FAM13A: variants seen among roughly 807,000 people sequenced by gnomAD.
The protein encoded by FAM13A is protein FAM13A.
A neutral mutation model predicts 129.6 loss-of-function variants in FAM13A; 76 were observed. The ratio of observed to expected loss-of-function variants is 0.59; its 90% confidence interval spans 0.49 to 0.71. FAM13A has a LOEUF of 0.71. Among genes scored for constraint, FAM13A ranks in the 30% least tolerant of loss-of-function variants. FAM13A has a pLI of 0.00. For synonymous variants in FAM13A, 443 were observed against 449.9 expected (o/e 0.98, Z 0.20); for missense variants, 1,108 against 1,249.3 (o/e 0.89, Z 1.70).
chr4:89,050,656 G>T (rs1028634535), intron 1 of FAM13A, among the ~76,000 whole-genome samples: 1 of 152,018 alleles, frequency 6.6e-6, no homozygotes, highest in African/African-American at 2.4e-5. Flanking sequence ...AGCCAGGTAT[G>T]GTGGCTCACA....
intron 5 of FAM13A, among the ~76,000 whole-genome samples, chr4:88,911,674 CTCCTT>C (rs1393583266): frequency 1.3e-5 from 2 of 152,178 alleles, no homozygotes; most frequent in Admixed American, 1.3e-4. Flanking sequence ...TGGATCTCAT[CTCCTT>C]TCATCTCCCC....
chr4:89,030,429 T>C (rs1004654891), intron 1 of FAM13A, among the ~76,000 whole-genome samples: 1 of 152,098 alleles, frequency 6.6e-6, no homozygotes, highest in African/African-American at 2.4e-5. Context: ...CTTATATAAA[T>C]GTTATTATAT....
At chr4:88,881,065 A>T (rs1021104988) in intron 6 of FAM13A, among the ~76,000 whole-genome samples, 5 of 152,318 alleles carry the variant, frequency 3.3e-5, no homozygotes, top group African/African-American at 1.2e-4. Context: ...GACAATGGAC[A>T]TAATTTCTTG....
intron 1 of FAM13A, among the ~76,000 whole-genome samples, chr4:89,036,114 G>A (rs1207814180): frequency 2.0e-5 from 3 of 152,118 alleles, no homozygotes. Flanking sequence ...AGTTTGGAGG[G>A]CACAGAAGAA....
chr4:88,874,169 C>T (rs2150091602), intron 6 of FAM13A, among the ~76,000 whole-genome samples: 2 of 152,186 alleles, frequency 1.3e-5, no homozygotes, highest in Middle Eastern at 6.8e-3. Flanking sequence ...TATGACAAAC[C>T]CACAGCCAAT....
intron 8 of FAM13A, among the ~76,000 whole-genome samples, chr4:88,792,246 T>C (rs1725335656): frequency 6.6e-6 from 1 of 152,004 alleles, no homozygotes; most frequent in African/African-American, 2.4e-5. Flanking sequence ...GTTAGAAAGG[T>C]TAAATAACTT....
intron 19 of FAM13A, among the ~76,000 whole-genome samples, chr4:88,742,734 A>G (rs1019927147): frequency 6.6e-5 from 10 of 152,320 alleles, no homozygotes; most frequent in African/African-American, 2.4e-4. Flanking sequence ...ATCTAACCAC[A>G]GGAAAACCGT....
At chr4:88,919,283 A>G (rs1327519845) in intron 5 of FAM13A, among the ~76,000 whole-genome samples, 1 of 152,230 alleles carries the variant, frequency 6.6e-6, no homozygotes, top group Non-Finnish European at 1.5e-5. Context: ...AGCAGTCAGC[A>G]TGTCTTAAAA....
intron 5 of FAM13A, among the ~76,000 whole-genome samples, chr4:88,918,847 T>C (rs1340774581): frequency 2.0e-5 from 3 of 152,234 alleles, no homozygotes; most frequent in African/African-American, 4.8e-5. Flanking sequence ...TCCAGTTAGA[T>C]TGGGAGCCAC....
chr4:88,862,549 G>A (rs1739666893), intron 6 of FAM13A, among the ~76,000 whole-genome samples: 1 of 152,100 alleles, frequency 6.6e-6, no homozygotes, highest in Non-Finnish European at 1.5e-5. Flanking sequence ...TCCATGATGT[G>A]GAGAAAAAAC....
chr4:88,808,462 G>A (rs78097212), intron 7 of FAM13A, among the ~76,000 whole-genome samples: 46 of 152,058 alleles, frequency 3.0e-4, no homozygotes, highest in African/African-American at 9.9e-4. Context: ...TTCTGTTTTC[G>A]TGTCAATCTG....
At chr4:89,000,896 T>G (rs998531896) in intron 3 of FAM13A, among the ~76,000 whole-genome samples, 1 of 152,236 alleles carries the variant, frequency 6.6e-6, no homozygotes, top group Non-Finnish European at 1.5e-5. Context: ...ATAAAGAGAA[T>G]AGCCTAAAAC....
At chr4:88,777,089 A>G (rs946834585) in intron 11 of FAM13A, among the ~76,000 whole-genome samples, 1 of 151,804 alleles carries the variant, frequency 6.6e-6, no homozygotes, top group Admixed American at 6.6e-5. Context: ...GACTCAAAGT[A>G]TTAAACTCTG....
intron 11 of FAM13A, among the ~76,000 whole-genome samples, chr4:88,776,221 T>C (rs776693738): frequency 6.1e-4 from 93 of 152,228 alleles, no homozygotes; most frequent in Non-Finnish European, 7.2e-4. Flanking sequence ...CTTTTAGCTA[T>C]ATATCCTTTT....
At chr4:88,932,953 T>C (rs190744967) in intron 5 of FAM13A, among the ~76,000 whole-genome samples, 1 of 152,304 alleles carries the variant, frequency 6.6e-6, no homozygotes, top group African/African-American at 2.4e-5. Context: ...AAAGTTAACA[T>C]ATAATCAGCA....
chr4:88,747,536 A>T, intron 18 of FAM13A, 95 bp downstream of exon 18: 8 of 1,017,446 alleles, frequency 7.9e-6, no homozygotes, highest in Non-Finnish European at 1.2e-5. Context: ...TTAACAAGGC[A>T]TCATCTTCCC....
At chr4:88,875,355 A>G (rs2150099273) in intron 6 of FAM13A, among the ~76,000 whole-genome samples, 1 of 152,358 alleles carries the variant, frequency 6.6e-6, no homozygotes, top group East Asian at 1.9e-4. Flanking sequence ...TGAACAGGCA[A>G]CCTACAGAAT....
intron 6 of FAM13A, among the ~76,000 whole-genome samples, chr4:88,861,754 G>A (rs1000003148): frequency 1.3e-5 from 2 of 152,240 alleles, no homozygotes; most frequent in South Asian, 4.1e-4. Flanking sequence ...TGCAATAATA[G>A]CTAACTGTTG....
chr4:89,042,584 C>A (rs1365996642), intron 1 of FAM13A, among the ~76,000 whole-genome samples: 2 of 152,074 alleles, frequency 1.3e-5, no homozygotes, highest in South Asian at 4.2e-4. Flanking sequence ...AACTTAGAAT[C>A]CATGAATCAT....
Sources: gnomAD v4.1 joint callset for allele counts (sites outside exome capture counted in the v4.1 genomes callset) on GRCh38, gnomAD v4.1.1 for gene constraint, MANE v1.5 for transcripts, NCBI Gene and HGNC (gene_info 2026-07-23, HGNC 2026-07-21) for gene names.